Variants in RHOBTB2 observed in about 807,000 individuals in gnomAD.
RHOBTB2 encodes rho-related BTB domain-containing protein 2.
A neutral mutation model predicts 66.5 loss-of-function variants in RHOBTB2; 39 were observed. The observed-to-expected ratio is 0.59, with a 90% CI of 0.45 to 0.77. The LOEUF is 0.77. RHOBTB2 is among the 30% of genes least tolerant of loss of function. The pLI is 0.00. For missense variants in RHOBTB2, 755 were observed against 999.1 expected, an observed-to-expected ratio of 0.76 and a Z score of 3.29; for synonymous variants, 390 against 395.0, an observed-to-expected ratio of 0.99 and a Z score of 0.15.
intron 7 of RHOBTB2, 128 bp from the exon 8 acceptor site, chr8:23,014,562 T>G: frequency 1.3e-6 from 1 of 772,350 alleles, no homozygotes; most frequent in African/African-American, 1.7e-5. Flanking sequence ...CTGGGGCCTT[T>G]CCTGGCCTGT....
the RHOBTB2 span, among the ~76,000 whole-genome samples, chr8:22,972,208 C>T: frequency 1.2e-4 from 18 of 152,172 alleles, no homozygotes; most frequent in Admixed American, 1.3e-4. Flanking sequence ...CCACTAGGCA[C>T]GGCGCTTAGG....
Position 23,007,223 on chromosome 8 carries a change from C to A in RHOBTB2, c.978C>A (p.His326Gln), listed in dbSNP as rs559073741. The A allele has an allele frequency of 6.2e-7, 1 of 1,608,802 alleles. No homozygotes were observed. The highest frequency in any genetic ancestry group is 8.5e-7 in the Non-Finnish European group (1 of 1,179,484). Residue 326 changes from histidine (H) to glutamine (Q), a missense_variant, in exon 5 of 10, where the codon CAC (histidine) becomes CAA (glutamine). By Grantham distance (24) the His-to-Gln change is conservative (BLOSUM62 0). Transcript: ENST00000251822. ...PEDHQGHSDQHHHHHHHHHGR... is the reference protein window; with the variant it reads ...PEDHQGHSDQQHHHHHHHHGR... The stretch of plus-strand genomic sequence containing the variant: ...ACCACCAGGGCCACTCTGATCAACA[C>A]CACCACCATCACCACCACCACCATG...
At chr8:22,995,411 C>T (rs1425794297), upstream of RHOBTB2, among the ~76,000 whole-genome samples, 1 of 152,156 alleles carries the variant, frequency 6.6e-6, no homozygotes, top group African/African-American at 2.4e-5. Context: ...ATTAGGGGAG[C>T]ACAGGGGAAG....
chr8:22,959,482 G>C, the RHOBTB2 span, among the ~76,000 whole-genome samples: 6 of 152,208 alleles, frequency 3.9e-5, no homozygotes, highest in Middle Eastern at 3.4e-3. Context: ...TCCAACTCCT[G>C]ACCTCAACTT....
the RHOBTB2 span, among the ~76,000 whole-genome samples, chr8:22,967,269 G>C: frequency 8.5e-5 from 13 of 152,118 alleles, no homozygotes; most frequent in African/African-American, 3.1e-4. Flanking sequence ...AACATGAATG[G>C]GCCTTGAAGG....
chr8:22,979,617 A>G, the RHOBTB2 span, among the ~76,000 whole-genome samples: 1 of 151,920 alleles, frequency 6.6e-6, no homozygotes, highest in African/African-American at 2.4e-5. Flanking sequence ...CGTCCTATAC[A>G]TAAACCTTTT....
chr8:22,969,951 C>T, the RHOBTB2 span, among the ~76,000 whole-genome samples: 1 of 152,208 alleles, frequency 6.6e-6, no homozygotes, highest in Admixed American at 6.6e-5. Flanking sequence ...GGGGTTTCCA[C>T]ATGTTGCCCA....
Position 23,007,169 on chromosome 8 carries a change from C to A in RHOBTB2, c.924C>A (p.Pro308=), listed in dbSNP as rs974102807. The A allele has an allele frequency of 6.2e-7, 1 of 1,604,528 alleles. No individual in the cohort carries two copies. ...TGAGTGAGGGGGAGCTGGGGGGCCC[C>A]TCGGAGCCAGGGGGCACCCACCCAG... ...MDLSEGELGG[P]SEPGGTHPED... Residue 308 remains proline (P), a synonymous_variant, in exon 5 of 10, where the codon CCC becomes CCA. Transcript: ENST00000251822.
At chr8:22,951,090 T>C in the RHOBTB2 span, among the ~76,000 whole-genome samples, 2 of 152,106 alleles carry the variant, frequency 1.3e-5, no homozygotes, top group South Asian at 4.1e-4. Flanking sequence ...GCCCAAATAA[T>C]TTCCTCTTAA....
upstream of RHOBTB2, among the ~76,000 whole-genome samples, chr8:22,986,815 T>C (rs1485185515): frequency 2.6e-5 from 4 of 152,226 alleles, no homozygotes; most frequent in East Asian, 1.9e-4. Context: ...GTCTAGATTT[T>C]ACACTAGATC....
At chr8:22,984,827 G>A (rs1381734247), upstream of RHOBTB2, 1 of 152,216 alleles carries the variant, frequency 6.6e-6, no homozygotes, top group Non-Finnish European at 1.5e-5. Context: ...AGGAGGCTGA[G>A]GCAGGAGAAT....
At position 23,006,692 on chromosome 8, in the gene RHOBTB2, C is replaced by G; in HGVS notation, c.483-36C>G. On this transcript the variant is annotated intron_variant, in intron 4 of 9. Transcript: ENST00000251822. The surrounding 1 kb of genome is among the most constrained non-coding windows in gnomAD (Gnocchi z 6.1). ...AAGAACAGGCAGCCTCCCTCCACCACCAACACAAGCTTGGTTTCCTTCTTG... is the reference window on the plus strand; with the variant it reads ...AAGAACAGGCAGCCTCCCTCCACCAGCAACACAAGCTTGGTTTCCTTCTTG... The G allele has an allele frequency of 6.4e-7, 1 of 1,572,126 alleles. No homozygotes were observed. The highest frequency in any genetic ancestry group is 2.3e-5 in the East Asian group (1 of 44,400).
the RHOBTB2 span, among the ~76,000 whole-genome samples, chr8:22,953,145 T>G: frequency 2.1e-3 from 314 of 152,146 alleles, no homozygotes; most frequent in African/African-American, 7.3e-3. Context: ...TTTACTGGAG[T>G]TATACACGTG....
chr8:22,996,664 T>C (rs145997603), upstream of RHOBTB2, among the ~76,000 whole-genome samples: 29 of 151,940 alleles, frequency 1.9e-4, no homozygotes, highest in East Asian at 5.0e-3. Flanking sequence ...AGAAGTCACC[T>C]GAATAGAGGA....
chr8:22,986,735 A>T (rs956159118), upstream of RHOBTB2, among the ~76,000 whole-genome samples: 4 of 152,232 alleles, frequency 2.6e-5, no homozygotes, highest in Non-Finnish European at 5.9e-5. Flanking sequence ...ATCAGGAGCT[A>T]TCAAACCTAT....
In RHOBTB2 at chr8:23,014,959, G is replaced by C. The variant is rs536626568; in HGVS notation, c.1860+181G>C. Among the ~76,000 whole-genome samples, 43 of 152,270 alleles carry C rather than the reference G, an allele frequency of 2.8e-4. 1 individual carries two copies. The South Asian group carries it at 8.7e-3, about 31-fold the overall frequency. On this transcript the variant is annotated intron_variant, in intron 8 of 9. Transcript: ENST00000251822. ...CCAGGAAGCAGCTGGGGAACTCCCT[G>C]GTGTACCCGGAGGGGAGCTGACCAA... is the stretch of plus-strand genomic sequence containing the variant.
At position 23,004,950 on chromosome 8, in the gene RHOBTB2, G is replaced by A; in HGVS notation, c.192+324G>A. 4.6e-6 allele frequency: 2 copies of A among 439,040 alleles called. No homozygotes were observed. Among genetic ancestry groups the A allele is most frequent in the South Asian group, 5.0e-5 (2 of 40,252 alleles). The allele number at this position is 439,040 out of a possible 1,614,324, so 27.2% of individuals were successfully genotyped here. ...GGGCTGGGGCTTGGAAGAGATACAA[G>A]CTGAGAGGAGCAAAGAAGCTGGCAG... is the stretch of plus-strand genomic sequence containing the variant. On this transcript the variant is annotated intron_variant, in intron 2 of 9. Coordinates refer to ENST00000251822, the MANE Select transcript of RHOBTB2 (RefSeq NM_015178.3). The surrounding 1 kb of genome is among the most constrained non-coding windows in gnomAD (Gnocchi z 6.4).
chr8:22,978,655 A>G, the RHOBTB2 span, among the ~76,000 whole-genome samples: 1 of 151,692 alleles, frequency 6.6e-6, no homozygotes, highest in East Asian at 1.9e-4. Context: ...ACGTAACAGG[A>G]GGCTAGAAGA....
At chr8:22,992,366 G>GA (rs763489645) in intron 2 of RHOBTB2, among the ~76,000 whole-genome samples, 93 of 151,882 alleles carry the variant, frequency 6.1e-4, no homozygotes, top group Middle Eastern at 6.8e-3. Context: ...AAAAAGTTGT[G>GA]AAAAAAAACC....
Sources: allele counts gnomAD v4.1 joint callset (sites outside exome capture counted in the v4.1 genomes callset), GRCh38; gene constraint gnomAD v4.1.1; non-coding constraint Gnocchi (gnomAD v3.1); transcripts MANE v1.5; gene names NCBI Gene and HGNC (gene_info 2026-07-23, HGNC 2026-07-21).